The following DCTN5 variants were observed in gnomAD, a reference collection of about 807,000 sequenced individuals.
The protein encoded by DCTN5 is dynactin 4.
In DCTN5, 14 loss-of-function variants were observed where a neutral mutation model predicts 23.5. The ratio of observed to expected loss-of-function variants is 0.60; its 90% CI spans 0.39 to 0.93. The LOEUF (loss-of-function observed/expected upper bound fraction) is 0.93. Among genes scored for constraint, DCTN5 ranks in the 40% least tolerant of loss-of-function variants. The pLI, the probability that DCTN5 is intolerant of heterozygous loss-of-function variation, is 0.00. For missense variants in DCTN5, 156 were observed against 225.9 expected (o/e 0.69, Z 1.98); for synonymous variants, 67 against 79.6 (o/e 0.84, Z 0.84).
intron 2 of DCTN5, among the ~76,000 whole-genome samples, chr16:23,647,144 T>C (rs1967483193): frequency 6.6e-6 from 1 of 151,886 alleles, no homozygotes; most frequent in South Asian, 2.1e-4. Flanking sequence ...GGTTTTTTTT[T>C]TTTTTTGAGA....
At chr16:23,662,320 A>G (rs576739158) in intron 4 of DCTN5, among the ~76,000 whole-genome samples, 29 of 152,222 alleles carry the variant, frequency 1.9e-4, no homozygotes, top group African/African-American at 6.0e-4. Flanking sequence ...TCAGGGTGCA[A>G]GCGGGCCCCT....
rs375161955 is a variant in DCTN5, at chr16:23,644,979, C to T, written c.117+1956C>T. Among the ~76,000 whole-genome samples, 239 of 146,748 alleles carry T rather than the reference C, an allele frequency of 1.6e-3. 8 individuals carry two copies. The South Asian group carries it at 0.05, about 30-fold the overall frequency. On this transcript the variant is annotated intron_variant, in intron 2 of 5. Transcript: ENST00000300087. Reference sequence around the variant, plus strand: ...ATTTTTAGTAGAGGCAGGGTTTTGCCACGTTGGCCAGGCTGGTCTCAAACT... The same window carrying T: ...ATTTTTAGTAGAGGCAGGGTTTTGCTACGTTGGCCAGGCTGGTCTCAAACT...
chr16:23,643,729 A>G (rs967574404), intron 2 of DCTN5, among the ~76,000 whole-genome samples: 8 of 152,120 alleles, frequency 5.3e-5, no homozygotes, highest in African/African-American at 1.9e-4. Context: ...TATTAACTGA[A>G]ACTCTTAAAA....
At chr16:23,664,867 C>T (rs1238522697) in intron 4 of DCTN5, among the ~76,000 whole-genome samples, 1 of 152,206 alleles carries the variant, frequency 6.6e-6, no homozygotes, top group African/African-American at 2.4e-5. Flanking sequence ...AACCAACCAA[C>T]CTTAAGCTGG....
At chr16:23,650,217 T>C (rs1011251691) in intron 2 of DCTN5, among the ~76,000 whole-genome samples, 2 of 152,216 alleles carry the variant, frequency 1.3e-5, no homozygotes, top group Non-Finnish European at 2.9e-5. Context: ...CTTTTTTCTA[T>C]TTTTGTGAAG....
chr16:23,651,151 A>G (rs1259408662), intron 2 of DCTN5: 2 of 1,194,248 alleles, frequency 1.7e-6, no homozygotes, highest in Non-Finnish European at 2.1e-6. Context: ...CAAACAATAC[A>G]GGTTTGCAAG....
At chr16:23,657,987 C>T (rs1031422484) in intron 2 of DCTN5, among the ~76,000 whole-genome samples, 2 of 152,160 alleles carry the variant, frequency 1.3e-5, no homozygotes, top group Non-Finnish European at 2.9e-5. Flanking sequence ...TATAGGGGAA[C>T]AACTTCTGGG....
chr16:23,665,584 A>T (rs1435211396), intron 4 of DCTN5, 42 bp from the exon 5 acceptor site: 1 of 1,569,328 alleles, frequency 6.4e-7, no homozygotes, highest in East Asian at 2.2e-5. Context: ...CCTTTCACAC[A>T]GTAGACTGAT....
At chr16:23,660,956 T>C (rs74012308) in intron 3 of DCTN5, among the ~76,000 whole-genome samples, 1 of 152,140 alleles carries the variant, frequency 6.6e-6, no homozygotes, top group African/African-American at 2.4e-5. Flanking sequence ...GTTTTTCCTT[T>C]CATATTTCTT....
intron 1 of DCTN5, chr16:23,642,718 C>T: frequency 1.0e-5 from 5 of 494,034 alleles, no homozygotes; most frequent in Non-Finnish European, 1.8e-5. Flanking sequence ...AGCTCCTGTC[C>T]TCAAGGGATC....
intron 2 of DCTN5, among the ~76,000 whole-genome samples, chr16:23,657,979 T>C (rs755666275): frequency 1.3e-5 from 2 of 152,188 alleles, no homozygotes; most frequent in Non-Finnish European, 2.9e-5. Context: ...CCCAGACTTA[T>C]AGGGGAACAA....
chr16:23,661,691 C>T (rs188644750), intron 4 of DCTN5, among the ~76,000 whole-genome samples: 1 of 151,672 alleles, frequency 6.6e-6, no homozygotes, highest in Non-Finnish European at 1.5e-5. Flanking sequence ...GCTTTCCAGT[C>T]TGGGCAACAA....
chr16:23,642,257 A>G (rs772834034), intron 1 of DCTN5, among the ~76,000 whole-genome samples: 8 of 152,152 alleles, frequency 5.3e-5, no homozygotes, highest in Non-Finnish European at 1.2e-4. Context: ...TGATCAGTAC[A>G]TGATATGTTT....
rs1170006393 is a variant in DCTN5 at position 23,669,201 on chromosome 16, A to C, written c.*2057A>C. The C allele has an allele frequency of 6.6e-6, 1 of 152,512 alleles. No homozygotes were observed. The highest frequency in any genetic ancestry group is 2.4e-5 in the African/African-American group (1 of 41,450). 9.4% of individuals were successfully genotyped at this position (152,512 alleles called of 1,614,324 possible). A position where few individuals can be genotyped will look rare whatever the true frequency, so the allele number is the denominator to read the frequency against. ...TCAAAATACTTCCAGAAGAACAACC[A>C]GATGGGAAGGACCTTGGTTGGGACT... On this transcript the variant is annotated 3_prime_UTR_variant, in exon 6 of 6. Coordinates refer to ENST00000300087, the MANE Select transcript of DCTN5 (RefSeq NM_032486.4).
At chr16:23,651,396 C>G (rs1425754088) in intron 2 of DCTN5, among the ~76,000 whole-genome samples, 2 of 152,220 alleles carry the variant, frequency 1.3e-5, no homozygotes, top group African/African-American at 4.8e-5. Flanking sequence ...TCCTAAATTT[C>G]TCTGACCACC....
rs1804208485 is a variant in DCTN5 at position 23,660,431 on chromosome 16, T to C, written c.237-739T>C. On this transcript the variant is annotated intron_variant, in intron 3 of 5. Transcript: ENST00000300087. The stretch of plus-strand genomic sequence containing the variant: ...AATGTGATCACAGAACCACTGTCAG[T>C]GACATTTGAGGAACCCTAGAGAACG... 2.0e-5 allele frequency among the ~76,000 whole-genome samples: 3 copies of C among 152,188 alleles called. No homozygotes were observed. The South Asian group carries it at 6.2e-4, about 31-fold the overall frequency.
intron 2 of DCTN5, chr16:23,651,084 T>A: frequency 1.5e-6 from 2 of 1,357,870 alleles, no homozygotes; most frequent in Non-Finnish European, 1.9e-6. Flanking sequence ...GTGTCCTTCC[T>A]GTAGGAGATA....
intron 2 of DCTN5, among the ~76,000 whole-genome samples, chr16:23,653,556 A>G (rs905323280): frequency 6.6e-6 from 1 of 152,188 alleles, no homozygotes; most frequent in African/African-American, 2.4e-5. Context: ...TCAACTCAAG[A>G]TGGATTAAAG....
At position 23,667,226 on chromosome 16, in the gene DCTN5, G is replaced by T; in HGVS notation, c.*82G>T. 2.6e-6 allele frequency: 4 copies of T among 1,557,810 alleles called. No homozygotes were observed. The highest frequency in any genetic ancestry group is 2.6e-6 in the Non-Finnish European group (3 of 1,140,588). The stretch of plus-strand genomic sequence containing the variant: ...GTGAGCCAGTCAGCACCTACAAAGA[G>T]CTTTTGTGTCTTTGACATCTACCAC... On this transcript the variant is annotated 3_prime_UTR_variant, in exon 6 of 6. Coordinates refer to ENST00000300087, the MANE Select transcript of DCTN5 (RefSeq NM_032486.4).
Sources: gnomAD v4.1 joint callset for allele counts (sites outside exome capture counted in the v4.1 genomes callset) on GRCh38, gnomAD v4.1.1 for gene constraint, MANE v1.5 for transcripts, NCBI Gene and HGNC (gene_info 2026-07-23, HGNC 2026-07-21) for gene names.